LRRC8D: variants seen among roughly 807,000 people sequenced by gnomAD.
LRRC8D encodes leucine rich repeat containing 8 VRAC subunit D, also known as volume-regulated anion channel subunit LRRC8D.
A neutral mutation model predicts 55.8 loss-of-function variants in LRRC8D; 20 were observed. That is an observed-to-expected ratio of 0.36 (90% CI 0.25 to 0.52). LRRC8D has a LOEUF of 0.52. Ranked by LOEUF, LRRC8D falls within the 20% of genes least tolerant of loss-of-function variation. The probability of loss-of-function intolerance (pLI) is 0.93; values close to 1 mark genes in which losing one functional copy is unlikely to be tolerated. For missense variants in LRRC8D, 651 were observed against 1,030.8 expected (o/e 0.63, Z 5.05); for synonymous variants, 352 against 377.0 (o/e 0.93, Z 0.77).
intron 2 of LRRC8D, among the ~76,000 whole-genome samples, chr1:89,900,393 T>C (rs1432653594): frequency 1.3e-5 from 2 of 152,176 alleles, no homozygotes; most frequent in Non-Finnish European, 2.9e-5. Context: ...TGGTGAGAGA[T>C]GTAGGTTAAA....
intron 1 of LRRC8D, among the ~76,000 whole-genome samples, chr1:89,825,014 T>C (rs1014254794): frequency 2.6e-5 from 4 of 152,248 alleles, no homozygotes; most frequent in Non-Finnish European, 5.9e-5. Flanking sequence ...CCTGTATTTC[T>C]TGGGCAGATT....
At chr1:89,918,121 G>T (rs775531093) in intron 2 of LRRC8D, among the ~76,000 whole-genome samples, 1 of 152,174 alleles carries the variant, frequency 6.6e-6, no homozygotes, top group Non-Finnish European at 1.5e-5. Flanking sequence ...TATAATGCCC[G>T]TATAAAATTG....
intron 2 of LRRC8D, among the ~76,000 whole-genome samples, chr1:89,891,095 T>C (rs957622865): frequency 1.3e-5 from 2 of 152,174 alleles, no homozygotes; most frequent in African/African-American, 4.8e-5. Flanking sequence ...TTAGCCAGGA[T>C]GGTCTCGATC....
At chr1:89,866,435 A>T (rs1661851784) in intron 2 of LRRC8D, among the ~76,000 whole-genome samples, 1 of 152,196 alleles carries the variant, frequency 6.6e-6, no homozygotes, top group Non-Finnish European at 1.5e-5. Context: ...ACACAAATTG[A>T]AAGATTATTC....
intron 2 of LRRC8D, among the ~76,000 whole-genome samples, chr1:89,891,227 A>G (rs1452425564): frequency 6.6e-6 from 1 of 152,204 alleles, no homozygotes; most frequent in Admixed American, 6.5e-5. Flanking sequence ...CATACTGGCC[A>G]GTTACTTTGT....
chr1:89,840,572 G>A (rs35704457), intron 1 of LRRC8D, among the ~76,000 whole-genome samples: 25,590 of 152,120 alleles, frequency 0.17, 2,379 homozygotes, highest in Non-Finnish European at 0.22. Context: ...CAGCATAGGC[G>A]AATACCATTG....
intron 2 of LRRC8D, among the ~76,000 whole-genome samples, chr1:89,864,570 C>A (rs868162251): frequency 6.6e-6 from 1 of 152,068 alleles, no homozygotes; most frequent in South Asian, 2.1e-4. Flanking sequence ...GCTCCAGTTG[C>A]GGCCTCCATC....
At chr1:89,853,247 A>T (rs1353336524) in intron 2 of LRRC8D, among the ~76,000 whole-genome samples, 1 of 152,232 alleles carries the variant, frequency 6.6e-6, no homozygotes, top group African/African-American at 2.4e-5. Flanking sequence ...CTTACATCTG[A>T]AGGTGTCATT....
At chr1:89,890,198 TAAATA>T (rs1553126658) in intron 2 of LRRC8D, among the ~76,000 whole-genome samples, 8 of 151,804 alleles carry the variant, frequency 5.3e-5, no homozygotes, top group Admixed American at 2.6e-4. Context: ...AATAAATAAA[TAAATA>T]AAATAAAATA....
intron 1 of LRRC8D, among the ~76,000 whole-genome samples, chr1:89,830,151 T>G (rs1342494227): frequency 6.6e-6 from 1 of 152,234 alleles, no homozygotes; most frequent in Non-Finnish European, 1.5e-5. Flanking sequence ...TGCCTTTATT[T>G]TTTAAATACA....
chr1:89,821,437 T>G (rs1350176801), intron 1 of LRRC8D, 146 bp downstream of exon 1: 1 of 152,266 alleles, frequency 6.6e-6, no homozygotes, highest in East Asian at 1.9e-4. Flanking sequence ...TTCGGGGACG[T>G]CCGGGGGTCG....
intron 2 of LRRC8D, among the ~76,000 whole-genome samples, chr1:89,913,380 T>A (rs1358931435): frequency 6.6e-6 from 1 of 152,190 alleles, no homozygotes; most frequent in Non-Finnish European, 1.5e-5. Flanking sequence ...GATTAAAAAG[T>A]CAACTTGGGA....
chr1:89,856,102 A>T lies in LRRC8D; in HGVS notation c.-3+12320A>T, dbSNP rs1035039381. Among the ~76,000 whole-genome samples the T allele has an allele frequency of 1.3e-5, 2 of 152,090 alleles. 1 individual carries two copies. Among genetic ancestry groups the T allele is most frequent in the Admixed American group, 1.3e-4 (2 of 15,268 alleles). ...GCCTATTTTCAAGATATATTTGATG[A>T]GTGTGAACATACTACATATACAGCA... On this transcript the variant is annotated intron_variant, in intron 2 of 2. Coordinates refer to ENST00000337338, the MANE Select transcript of LRRC8D (RefSeq NM_001134479.2).
rs2100677391 is a variant in LRRC8D, at chr1:89,821,143, C to T, written c.-296C>T. On this transcript the variant is annotated 5_prime_UTR_variant, in exon 1 of 3. Transcript: ENST00000337338. Reference sequence around the variant, plus strand: ...CTCCGCCGCGCTTCGAGGTGGCAGCCGCGGGCGGGGCCGCGGGAGCAGGGT... The same window carrying T: ...CTCCGCCGCGCTTCGAGGTGGCAGCTGCGGGCGGGGCCGCGGGAGCAGGGT... The T allele has an allele frequency of 6.6e-6, 1 of 152,258 alleles. No homozygotes were observed. The highest frequency in any genetic ancestry group is 1.9e-4 in the South Asian group (1 of 5,330). 9.4% of individuals were successfully genotyped at this position (152,258 alleles called of 1,614,324 possible).
At chr1:89,920,694 T>TG (rs902087043) in intron 2 of LRRC8D, among the ~76,000 whole-genome samples, 6 of 142,948 alleles carry the variant, frequency 4.2e-5, no homozygotes, top group Admixed American at 1.4e-4. Context: ...AGAGGCCTAT[T>TG]GGGAAAAAAA....
In LRRC8D at chr1:89,916,923, G is replaced by A. The variant is rs186613679; in HGVS notation, c.-2-16144G>A. ...GGTGTATGTACCTTGTCACAGTGGGGTTTTATTTCCATTTCATTGATAAGG... is the reference window on the plus strand; with the variant it reads ...GGTGTATGTACCTTGTCACAGTGGGATTTTATTTCCATTTCATTGATAAGG... On this transcript the variant is annotated intron_variant, in intron 2 of 2. Coordinates refer to ENST00000337338, the MANE Select transcript of LRRC8D (RefSeq NM_001134479.2). Among the ~76,000 whole-genome samples, 543 of 152,218 alleles carry A rather than the reference G, an allele frequency of 3.6e-3. 2 individuals carry two copies. Among genetic ancestry groups the A allele is most frequent in the Non-Finnish European group, 6.8e-3 (462 of 68,024 alleles).
chr1:89,853,121 G>C (rs1326681404), intron 2 of LRRC8D, among the ~76,000 whole-genome samples: 1 of 152,160 alleles, frequency 6.6e-6, no homozygotes, highest in Non-Finnish European at 1.5e-5. Context: ...GAAAGGAAAG[G>C]CGAGACTGGA....
chr1:89,823,008 G>C (rs549006933), intron 1 of LRRC8D, among the ~76,000 whole-genome samples: 2 of 152,214 alleles, frequency 1.3e-5, no homozygotes, highest in African/African-American at 4.8e-5. Context: ...TACTTATGGA[G>C]CCCCCCATAA....
chr1:89,843,450 A>G (rs1661187759), intron 1 of LRRC8D, 188 bp from the exon 2 acceptor site: 1 of 389,466 alleles, frequency 2.6e-6, no homozygotes, highest in African/African-American at 2.1e-5. Context: ...AGGCCGCGCC[A>G]CCTCGGCACC....
Sources: gnomAD v4.1 joint callset for allele counts (sites outside exome capture counted in the v4.1 genomes callset) on GRCh38, gnomAD v4.1.1 for gene constraint, MANE v1.5 for transcripts, NCBI Gene and HGNC (gene_info 2026-07-23, HGNC 2026-07-21) for gene names.